The following ZFP2 variants were observed in gnomAD, a reference collection of about 807,000 sequenced individuals.
ZFP2 encodes zinc finger protein ZFP2.
A neutral mutation model predicts 36.1 loss-of-function variants in ZFP2; 33 were observed. That is an observed-to-expected ratio of 0.92 (90% CI 0.69 to 1.22). The LOEUF (loss-of-function observed/expected upper bound fraction) is 1.22. Ranked by LOEUF, ZFP2 falls within the 50% of genes most tolerant of loss-of-function variation. The pLI is 0.00. For missense variants in ZFP2, 522 were observed against 551.4 expected (o/e 0.95, Z 0.53); for synonymous variants, 170 against 178.0 (o/e 0.96, Z 0.36).
At chr5:178,898,922 G>A (rs1757992306) in intron 1 of ZFP2, among the ~76,000 whole-genome samples, 1 of 152,202 alleles carries the variant, frequency 6.6e-6, no homozygotes, top group South Asian at 2.1e-4. Flanking sequence ...GGTGCTTATA[G>A]GGCTTATGGG....
chr5:178,913,267 A>G (rs937472229), intron 3 of ZFP2, among the ~76,000 whole-genome samples, 196 bp downstream of exon 3: 1 of 152,212 alleles, frequency 6.6e-6, no homozygotes, highest in South Asian at 2.1e-4. Flanking sequence ...TATGAGGAGT[A>G]AATGAGTTTT....
chr5:178,904,452 G>A (rs984425863), intron 1 of ZFP2, among the ~76,000 whole-genome samples: 9 of 152,126 alleles, frequency 5.9e-5, no homozygotes, highest in African/African-American at 2.2e-4. Context: ...TGGAGCTGAT[G>A]TTATCTACTG....
chr5:178,909,257 C>T (rs534694324), intron 1 of ZFP2, among the ~76,000 whole-genome samples: 2 of 152,328 alleles, frequency 1.3e-5, no homozygotes, highest in East Asian at 3.9e-4. Flanking sequence ...CTCCCAGGCT[C>T]ATAGTTCGAT....
intron 1 of ZFP2, among the ~76,000 whole-genome samples, chr5:178,912,202 T>G (rs930369881): frequency 6.6e-6 from 1 of 152,190 alleles, no homozygotes; most frequent in African/African-American, 2.4e-5. Context: ...ATGTGGCTGA[T>G]AAATTGCTAT....
intron 1 of ZFP2, among the ~76,000 whole-genome samples, chr5:178,902,066 C>T (rs768647970): frequency 8.5e-5 from 13 of 152,146 alleles, no homozygotes; most frequent in Non-Finnish European, 1.9e-4. Context: ...ACCCAGGAGG[C>T]GGAAGTTGCA....
At chr5:178,899,848 T>C (rs999981225) in intron 1 of ZFP2, among the ~76,000 whole-genome samples, 1 of 152,154 alleles carries the variant, frequency 6.6e-6, no homozygotes, top group Non-Finnish European at 1.5e-5. Context: ...CATTTTCTCT[T>C]CTCATAAAAG....
At chr5:178,920,502 T>C (rs1339591236) in intron 4 of ZFP2, among the ~76,000 whole-genome samples, 1 of 152,080 alleles carries the variant, frequency 6.6e-6, no homozygotes, top group African/African-American at 2.4e-5. Context: ...CCGGGCATGG[T>C]GGCGTGTACC....
intron 4 of ZFP2, among the ~76,000 whole-genome samples, chr5:178,917,716 CAG>C (rs1758470274): frequency 6.6e-6 from 1 of 152,138 alleles, no homozygotes; most frequent in African/African-American, 2.4e-5. Context: ...GAAACATACA[CAG>C]AGAATTTATA....
At chr5:178,923,175 G>A (rs1581840159) in intron 4 of ZFP2, among the ~76,000 whole-genome samples, 1 of 149,266 alleles carries the variant, frequency 6.7e-6, no homozygotes, top group Admixed American at 6.7e-5. Flanking sequence ...GCCATTTTTA[G>A]TGTATCATTT....
At chr5:178,910,085 G>A in intron 1 of ZFP2, 1 of 1,472,360 alleles carries the variant, frequency 6.8e-7, no homozygotes, top group Non-Finnish European at 9.5e-7. Context: ...AGAGATCCTT[G>A]AATTTATTCT....
rs1758834382 is a variant in ZFP2, at chr5:178,931,420, A to G, written c.107A>G (p.His36Arg). ...CATCTGAGCCAAGTGGGAGTTACCCATAAGGAAACCTTCACTGAGATGAGA... is the reference window on the plus strand; with the variant it reads ...CATCTGAGCCAAGTGGGAGTTACCCGTAAGGAAACCTTCACTGAGATGAGA... ...DSHLSQVGVT[H>R]KETFTEMRVC... Residue 36 changes from histidine (H) to arginine (R), a missense_variant, in exon 5 of 5, where the codon CAT becomes CGT. By Grantham distance (29) the His-to-Arg change is conservative. Coordinates refer to ENST00000361362, the MANE Select transcript of ZFP2 (RefSeq NM_030613.4). The G allele has an allele frequency of 6.2e-7, 1 of 1,614,186 alleles. No individual in the cohort carries two copies. The highest frequency in any genetic ancestry group is 2.2e-5 in the East Asian group (1 of 44,872).
chr5:178,926,912 CTT>C (rs1275250898), intron 4 of ZFP2, among the ~76,000 whole-genome samples: 5 of 152,164 alleles, frequency 3.3e-5, no homozygotes, highest in Non-Finnish European at 7.3e-5. Context: ...TGTCTTTCCA[CTT>C]TTTCTCTCTT....
At position 178,932,530 on chromosome 5, in the gene ZFP2, G is replaced by T. The variant is rs1404698594; in HGVS notation, c.1217G>T (p.Gly406Val). Reference protein sequence around the residue: ...YLIEHQRIHTGEKPYECDQCG... With the variant: ...YLIEHQRIHTVEKPYECDQCG... ...ATTGAACATCAAAGAATTCATACTG[G>T]TGAGAAACCCTATGAATGTGATCAG... Residue 406 changes from glycine to valine, a missense_variant, in exon 5 of 5, where the codon GGT becomes GTT. By Grantham distance (109) the Gly-to-Val change is moderately radical. Coordinates refer to ENST00000361362, the MANE Select transcript of ZFP2 (RefSeq NM_030613.4). 2 of 1,614,120 alleles carry T rather than the reference G, an allele frequency of 1.2e-6. No individual in the cohort carries two copies. The highest frequency in any genetic ancestry group is 1.7e-5 in the Admixed American group (1 of 60,018).
chr5:178,915,161 G>A (rs937946732), intron 3 of ZFP2, among the ~76,000 whole-genome samples: 1 of 151,976 alleles, frequency 6.6e-6, no homozygotes, highest in Non-Finnish European at 1.5e-5. Context: ...TTGCTCCCTA[G>A]ATTATTTTAT....
intron 1 of ZFP2, among the ~76,000 whole-genome samples, chr5:178,903,007 TAGC>T (rs1758091953): frequency 6.6e-6 from 1 of 152,238 alleles, no homozygotes; most frequent in Non-Finnish European, 1.5e-5. Flanking sequence ...AGACACTTGA[TAGC>T]AGCTGATGAC....
intron 3 of ZFP2, chr5:178,915,667 A>G (rs576254808): frequency 6.7e-6 from 1 of 149,592 alleles, no homozygotes; most frequent in Non-Finnish European, 1.5e-5. Flanking sequence ...ATCATTTTCC[A>G]TGTCTGTCTG....
chr5:178,927,001 C>T (rs1287539015), intron 4 of ZFP2, among the ~76,000 whole-genome samples: 6 of 152,152 alleles, frequency 3.9e-5, no homozygotes, highest in Non-Finnish European at 5.9e-5. Context: ...AGCCTGTGCC[C>T]ATAGGCCTTG....
intron 1 of ZFP2, among the ~76,000 whole-genome samples, chr5:178,904,577 T>TTATA (rs1163092599): frequency 1.4e-5 from 2 of 146,874 alleles, no homozygotes; most frequent in African/African-American, 5.3e-5. Context: ...TTACATATAT[T>TTATA]TATATATGAG....
intron 3 of ZFP2, among the ~76,000 whole-genome samples, chr5:178,915,414 A>G (rs1362832723): frequency 7.2e-6 from 1 of 139,156 alleles, no homozygotes; most frequent in Non-Finnish European, 1.5e-5. Flanking sequence ...TCCAGGTTCA[A>G]GCAATTCTTC....
Sources: allele counts gnomAD v4.1 joint callset (sites outside exome capture counted in the v4.1 genomes callset), GRCh38; gene constraint gnomAD v4.1.1; transcripts MANE v1.5; gene names NCBI Gene and HGNC (gene_info 2026-07-23, HGNC 2026-07-21).